RAB3C: variants seen among roughly 807,000 people sequenced by gnomAD.
The protein encoded by RAB3C is RAB3C, member RAS oncogene family.
In RAB3C, 17 loss-of-function variants were observed where a neutral mutation model predicts 26.4. That is an observed-to-expected ratio of 0.64 (90% CI 0.44 to 0.97). RAB3C has a LOEUF of 0.97. RAB3C is among the 50% of genes least tolerant of loss of function. RAB3C has a pLI of 0.00. For missense variants in RAB3C, 242 were observed against 281.9 expected, an observed-to-expected ratio of 0.86 and a Z score of 1.01; for synonymous variants, 91 against 95.9, an observed-to-expected ratio of 0.95 and a Z score of 0.30.
At chr5:58,831,624 TA>T (rs1455728524) in intron 4 of RAB3C, among the ~76,000 whole-genome samples, 1 of 152,194 alleles carries the variant, frequency 6.6e-6, no homozygotes, top group Non-Finnish European at 1.5e-5. Context: ...CTCATCTGAA[TA>T]ACTAAAAACC....
chr5:58,821,014 C>A (rs1177620169), intron 3 of RAB3C, among the ~76,000 whole-genome samples: 1 of 152,134 alleles, frequency 6.6e-6, no homozygotes, highest in Non-Finnish European at 1.5e-5. Context: ...AGTTATGTAC[C>A]TTCCTGACCT....
intron 1 of RAB3C, among the ~76,000 whole-genome samples, chr5:58,590,031 C>T (rs1383191222): frequency 2.6e-5 from 4 of 152,192 alleles, no homozygotes; most frequent in Admixed American, 6.5e-5. Flanking sequence ...AAGGCCAGTC[C>T]AGCCAACACA....
At chr5:58,809,383 CA>C (rs1323738794) in intron 3 of RAB3C, among the ~76,000 whole-genome samples, 1 of 75,710 alleles carries the variant, frequency 1.3e-5, no homozygotes, top group Non-Finnish European at 2.6e-5. Context: ...CTCTTTTTCT[CA>C]GAAAAAAAAA....
chr5:58,592,734 G>A (rs1157340807), intron 1 of RAB3C, among the ~76,000 whole-genome samples: 2 of 151,942 alleles, frequency 1.3e-5, no homozygotes, highest in East Asian at 1.9e-4. Context: ...ATGCTGTTTC[G>A]TTGTCTGCTG....
chr5:58,595,546 G>A (rs1389768476), intron 1 of RAB3C, among the ~76,000 whole-genome samples: 1 of 152,066 alleles, frequency 6.6e-6, no homozygotes, highest in Non-Finnish European at 1.5e-5. Flanking sequence ...ATGTGTCCTG[G>A]CTTCCATATG....
chr5:58,793,910 ATCT>A (rs1742584414), intron 3 of RAB3C, among the ~76,000 whole-genome samples: 1 of 152,132 alleles, frequency 6.6e-6, no homozygotes, highest in African/African-American at 2.4e-5. Context: ...TTTATTGTCT[ATCT>A]TCTTATTTTA....
intron 3 of RAB3C, among the ~76,000 whole-genome samples, chr5:58,812,548 G>C (rs967784800): frequency 6.6e-6 from 1 of 152,178 alleles, no homozygotes; most frequent in African/African-American, 2.4e-5. Context: ...AAGTATATTT[G>C]CAAGGTCTTG....
chr5:58,646,443 G>T (rs77602158), intron 2 of RAB3C, among the ~76,000 whole-genome samples: 13,302 of 151,742 alleles, frequency 0.088, 660 homozygotes, highest in East Asian at 0.18. Flanking sequence ...TTATACATAA[G>T]GTTTTCTCGG....
At chr5:58,823,048 C>A in intron 3 of RAB3C, 2 of 561,800 alleles carry the variant, frequency 3.6e-6, no homozygotes, top group East Asian at 4.2e-5. Flanking sequence ...CCAGATGATT[C>A]CCTGCTTGTG....
chr5:58,661,742 C>G (rs955505391), intron 2 of RAB3C, among the ~76,000 whole-genome samples: 2 of 148,374 alleles, frequency 1.3e-5, no homozygotes, highest in Non-Finnish European at 2.9e-5. Flanking sequence ...CTAAGAGCTG[C>G]TAATTGCTGG....
At chr5:58,847,091 G>C (rs966923863) in intron 4 of RAB3C, 1 of 152,152 alleles carries the variant, frequency 6.6e-6, no homozygotes, top group African/African-American at 2.4e-5. Flanking sequence ...AAAGAGATTA[G>C]AAAGGCTTTG....
chr5:58,613,784 G>A (rs968064731), intron 1 of RAB3C, among the ~76,000 whole-genome samples: 1 of 152,220 alleles, frequency 6.6e-6, no homozygotes, highest in African/African-American at 2.4e-5. Flanking sequence ...AAAATCTGAA[G>A]AGGTGTCAGT....
At chr5:58,590,673 G>C (rs943306181) in intron 1 of RAB3C, among the ~76,000 whole-genome samples, 12 of 151,964 alleles carry the variant, frequency 7.9e-5, no homozygotes, top group Admixed American at 2.0e-4. Context: ...CTCCTGAGTA[G>C]CTGGGAACAC....
intron 1 of RAB3C, among the ~76,000 whole-genome samples, chr5:58,600,128 T>A (rs1018374718): frequency 6.6e-6 from 1 of 152,166 alleles, no homozygotes; most frequent in African/African-American, 2.4e-5. Context: ...TTTGTTTGCT[T>A]TGTCGAAAAT....
At chr5:58,665,254 G>C (rs1747980312) in intron 2 of RAB3C, among the ~76,000 whole-genome samples, 2 of 152,104 alleles carry the variant, frequency 1.3e-5, no homozygotes, top group Non-Finnish European at 2.9e-5. Flanking sequence ...AATCCTACCA[G>C]GCAGGTAAGT....
At chr5:58,744,549 G>T (rs969423754) in intron 3 of RAB3C, among the ~76,000 whole-genome samples, 1 of 152,242 alleles carries the variant, frequency 6.6e-6, no homozygotes, top group South Asian at 2.1e-4. Flanking sequence ...AAACCGCAGT[G>T]CATATGTGCC....
chr5:58,738,883 A>G (rs1025439663), intron 3 of RAB3C, among the ~76,000 whole-genome samples: 3 of 152,182 alleles, frequency 2.0e-5, no homozygotes, highest in African/African-American at 7.2e-5. Flanking sequence ...CAATATGCAT[A>G]TCCTCTTTTC....
intron 3 of RAB3C, among the ~76,000 whole-genome samples, chr5:58,781,685 C>A (rs920406025): frequency 6.6e-6 from 1 of 152,060 alleles, no homozygotes. Flanking sequence ...GGTACCTATA[C>A]AATTAGGTTT....
chr5:58,769,372 A>T (rs1260228705), intron 3 of RAB3C, among the ~76,000 whole-genome samples: 1 of 152,118 alleles, frequency 6.6e-6, no homozygotes, highest in Non-Finnish European at 1.5e-5. Context: ...GTATTAAAGT[A>T]TGTGTACATT....
Sources: gnomAD v4.1 joint callset for allele counts (sites outside exome capture counted in the v4.1 genomes callset) on GRCh38, gnomAD v4.1.1 for gene constraint, MANE v1.5 for transcripts, NCBI Gene and HGNC (gene_info 2026-07-23, HGNC 2026-07-21) for gene names.